Variants in STAB2 observed in about 807,000 individuals in gnomAD.
The protein encoded by STAB2 is stabilin-2.
Under a neutral mutation model 338.1 loss-of-function variants are expected in STAB2, and 288 were observed. That is an observed-to-expected ratio of 0.85 (90% confidence interval 0.77 to 0.94). The LOEUF (loss-of-function observed/expected upper bound fraction) is 0.94. Ranked by LOEUF, STAB2 falls within the 40% of genes least tolerant of loss-of-function variation. STAB2 has a pLI of 0.00. For synonymous variants in STAB2, 1,202 were observed against 1,193.3 expected, an observed-to-expected ratio of 1.01 and a Z score of -0.15; for missense variants, 3,141 against 3,210.1, an observed-to-expected ratio of 0.98 and a Z score of 0.52.
chr12:103,603,651 G>C (rs1423712252), intron 3 of STAB2, among the ~76,000 whole-genome samples: 1 of 152,126 alleles, frequency 6.6e-6, no homozygotes, highest in Non-Finnish European at 1.5e-5. Context: ...AGTAGTGTAA[G>C]TCCTCCAACT....
chr12:103,750,141 T>G (rs1883497818), intron 59 of STAB2, among the ~76,000 whole-genome samples: 1 of 152,214 alleles, frequency 6.6e-6, no homozygotes. Context: ...GTGCACCTAC[T>G]ATGTGCTCTT....
At position 103,594,530 on chromosome 12, in the gene STAB2, G is replaced by T; in HGVS notation, c.331+20G>T. The T allele has an allele frequency of 6.4e-7, 1 of 1,562,978 alleles. No homozygotes were observed. The stretch of plus-strand genomic sequence containing the variant: ...GTATAGGTAAGTGGCACAATGCTTG[G>T]ACTTTGAGACTTGCTTCTTGGTATC... On this transcript the variant is annotated intron_variant, in intron 3 of 68. Transcript: ENST00000388887.
intron 3 of STAB2, among the ~76,000 whole-genome samples, chr12:103,614,433 C>A (rs1211118784): frequency 5.3e-5 from 8 of 152,164 alleles, no homozygotes; most frequent in African/African-American, 1.7e-4. Flanking sequence ...TGACCTCTAG[C>A]CACTGGAGGC....
intron 55 of STAB2, among the ~76,000 whole-genome samples, chr12:103,741,775 T>C (rs1269955091): frequency 6.6e-6 from 1 of 152,138 alleles, no homozygotes; most frequent in Admixed American, 6.5e-5. Context: ...ATTTTGTAAA[T>C]GAGAAAACAG....
chr12:103,690,786 G>A (rs76383390), intron 30 of STAB2, among the ~76,000 whole-genome samples: 14,497 of 152,166 alleles, frequency 0.095, 1,164 homozygotes, highest in African/African-American at 0.22. Flanking sequence ...CACAAGTCTT[G>A]CAACAGACCA....
chr12:103,633,127 C>G (rs1241098424), intron 6 of STAB2, among the ~76,000 whole-genome samples: 1 of 152,232 alleles, frequency 6.6e-6, no homozygotes, highest in African/African-American at 2.4e-5. Context: ...GGTCCTCAGT[C>G]AGCCTCCTTC....
chr12:103,714,885 T>C (rs914235573), intron 42 of STAB2, among the ~76,000 whole-genome samples: 4 of 152,234 alleles, frequency 2.6e-5, no homozygotes, highest in African/African-American at 9.6e-5. Flanking sequence ...TTATTATTGA[T>C]GTAATACTTT....
At chr12:103,635,227 C>T (rs1957525451) in intron 6 of STAB2, among the ~76,000 whole-genome samples, 1 of 152,196 alleles carries the variant, frequency 6.6e-6, no homozygotes, top group Non-Finnish European at 1.5e-5. Flanking sequence ...ATGCTCACTG[C>T]CAGTGCCTCT....
At chr12:103,610,580 T>C (rs1957106700) in intron 3 of STAB2, among the ~76,000 whole-genome samples, 1 of 152,174 alleles carries the variant, frequency 6.6e-6, no homozygotes, top group African/African-American at 2.4e-5. Context: ...TTCTCTCTTT[T>C]CTTCTTTATT....
chr12:103,687,485 T>A (rs1877533984), intron 27 of STAB2, among the ~76,000 whole-genome samples: 1 of 152,176 alleles, frequency 6.6e-6, no homozygotes, highest in South Asian at 2.1e-4. Context: ...CTTTCATATC[T>A]TATAGCTTCC....
At chr12:103,631,441 T>TCA (rs1957460133) in intron 5 of STAB2, among the ~76,000 whole-genome samples, 157 bp from the exon 6 acceptor site, 1 of 147,956 alleles carries the variant, frequency 6.8e-6, no homozygotes, top group African/African-American at 2.5e-5. Flanking sequence ...ATGTTAAACT[T>TCA]AAAAAAAAAA....
chr12:103,749,341 G>A (rs1248662327), intron 59 of STAB2, among the ~76,000 whole-genome samples, 185 bp downstream of exon 59: 2 of 152,172 alleles, frequency 1.3e-5, no homozygotes, highest in South Asian at 2.1e-4. Context: ...GAAAAAGGAC[G>A]TCCATGGAAA....
intron 18 of STAB2, among the ~76,000 whole-genome samples, chr12:103,664,912 G>A (rs775640507): frequency 1.3e-5 from 2 of 152,214 alleles, no homozygotes; most frequent in Non-Finnish European, 1.5e-5. Flanking sequence ...GTCCCCAGCA[G>A]TGATTTATGT....
chr12:103,615,238 A>G (rs1957191004), intron 3 of STAB2, among the ~76,000 whole-genome samples: 1 of 152,180 alleles, frequency 6.6e-6, no homozygotes, highest in African/African-American at 2.4e-5. Flanking sequence ...AGGGCTAGAG[A>G]TACAAGAGAT....
intron 38 of STAB2, 67 bp from the exon 39 acceptor site, chr12:103,708,374 T>C (rs1879551044): frequency 6.6e-7 from 1 of 1,514,168 alleles, no homozygotes. Flanking sequence ...GCAAACCTAG[T>C]AAATGACAAA....
intron 25 of STAB2, among the ~76,000 whole-genome samples, chr12:103,679,367 T>C (rs1432198609): frequency 6.7e-6 from 1 of 149,556 alleles, no homozygotes. Context: ...AAACTCTGTA[T>C]CAAAAAAGAA....
At chr12:103,666,151 A>G (rs1460771181) in intron 18 of STAB2, 140 bp from the exon 19 acceptor site, 1 of 726,272 alleles carries the variant, frequency 1.4e-6, no homozygotes, top group Non-Finnish European at 2.4e-6. Flanking sequence ...CGGTGTGGGG[A>G]GGGGGTGGGT....
chr12:103,669,836 C>T (rs549311663), intron 21 of STAB2, among the ~76,000 whole-genome samples: 2 of 152,302 alleles, frequency 1.3e-5, no homozygotes, highest in East Asian at 3.9e-4. Context: ...TGCCTCTAGT[C>T]TGCTTCTCTA....
chr12:103,725,128 T>C (rs1018506922), intron 45 of STAB2, 34 bp downstream of exon 45: 1 of 1,592,654 alleles, frequency 6.3e-7, no homozygotes, highest in African/African-American at 1.3e-5. Flanking sequence ...AAGTAAACTC[T>C]ACTTCCCTAA....
Sources: gnomAD v4.1 joint callset for allele counts (sites outside exome capture counted in the v4.1 genomes callset) on GRCh38, gnomAD v4.1.1 for gene constraint, MANE v1.5 for transcripts, NCBI Gene and HGNC (gene_info 2026-07-23, HGNC 2026-07-21) for gene names.